Variants in POMP observed in about 807,000 individuals in gnomAD.
The protein encoded by POMP is proteasome maturation protein.
Under a neutral mutation model 20.6 loss-of-function variants are expected in POMP, and 12 were observed. The ratio of observed to expected loss-of-function variants is 0.58; its 90% CI spans 0.37 to 0.94. The LOEUF is 0.94. Ranked by LOEUF, POMP falls within the 40% of genes least tolerant of loss-of-function variation. The pLI, the probability that POMP is intolerant of heterozygous loss-of-function variation, is 0.01. For missense variants in POMP, 136 were observed against 161.1 expected (o/e 0.84, Z 0.84); for synonymous variants, 53 against 55.0 (o/e 0.96, Z 0.16).
At chr13:28,671,430 T>G (rs1014756720) in intron 4 of POMP, among the ~76,000 whole-genome samples, 1 of 150,346 alleles carries the variant, frequency 6.7e-6, no homozygotes, top group African/African-American at 2.5e-5. Context: ...TCCAAATATC[T>G]TTGCCCAGAA....
At chr13:28,663,331 A>T (rs556236702) in intron 2 of POMP, among the ~76,000 whole-genome samples, 1 of 152,134 alleles carries the variant, frequency 6.6e-6, no homozygotes, top group Admixed American at 6.5e-5. Flanking sequence ...ATTTTTTGAG[A>T]TGGCATTTTC....
intron 1 of POMP, among the ~76,000 whole-genome samples, chr13:28,660,916 C>G (rs192977748): frequency 3.3e-5 from 5 of 152,242 alleles, no homozygotes; most frequent in Non-Finnish European, 5.9e-5. Flanking sequence ...CAGCAAGACC[C>G]AGTAGAATGC....
chr13:28,667,336 C>T (rs1884466931), intron 3 of POMP, among the ~76,000 whole-genome samples: 2 of 152,086 alleles, frequency 1.3e-5, no homozygotes, highest in Admixed American at 1.3e-4. Flanking sequence ...GGCTGTAGTG[C>T]TCTATAATCG....
At chr13:28,668,645 T>C in intron 4 of POMP, 71 bp downstream of exon 4, 1 of 1,174,150 alleles carries the variant, frequency 8.5e-7, no homozygotes, top group Non-Finnish European at 1.3e-6. Flanking sequence ...TCATAACAGC[T>C]ATTTATACCT....
intron 1 of POMP, among the ~76,000 whole-genome samples, chr13:28,661,182 G>A (rs1884333349): frequency 6.6e-6 from 1 of 152,156 alleles, no homozygotes; most frequent in Non-Finnish European, 1.5e-5. Context: ...AGCGTCTTGG[G>A]CCGTGCATGC....
intron 5 of POMP, among the ~76,000 whole-genome samples, chr13:28,674,290 A>G (rs895363500): frequency 1.3e-5 from 2 of 152,168 alleles, no homozygotes; most frequent in African/African-American, 4.8e-5. Flanking sequence ...CCCACTTCCT[A>G]TGGGGCAGCT....
At chr13:28,670,789 G>A (rs1015980803) in intron 4 of POMP, among the ~76,000 whole-genome samples, 1 of 152,034 alleles carries the variant, frequency 6.6e-6, no homozygotes, top group Non-Finnish European at 1.5e-5. Context: ...GCTCATGCCT[G>A]TAATCCCAGC....
In POMP at chr13:28,662,516, G is replaced by A. The variant is rs116855705; in HGVS notation, c.101+9G>A. The A allele has an allele frequency of 2.8e-3, 4,513 of 1,590,590 alleles. 14 individuals carry two copies. Among genetic ancestry groups the A allele is most frequent in the Middle Eastern group, 4.7e-3 (28 of 6,016 alleles). On this transcript the variant is annotated intron_variant, in intron 2 of 5. Transcript: ENST00000380842. ...GATCTTCTTCGGAAAGGGTATATGG[G>A]GGAGTTATGACTTTGATTTTGTTAT... is the stretch of plus-strand genomic sequence containing the variant.
At chr13:28,659,277 G>A in intron 1 of POMP, 90 bp downstream of exon 1, 1 of 1,539,260 alleles carries the variant, frequency 6.5e-7, no homozygotes, top group East Asian at 2.4e-5. Flanking sequence ...CCCGTCCCCG[G>A]TGGCGGCGGC....
At chr13:28,663,425 C>G (rs1884384097) in intron 2 of POMP, among the ~76,000 whole-genome samples, 1 of 152,170 alleles carries the variant, frequency 6.6e-6, no homozygotes. Flanking sequence ...ATTCTCCTGC[C>G]TCAGCCTCTT....
In POMP at chr13:28,678,450, CTA is replaced by C. The variant is rs1884668918; in HGVS notation, c.*351_*352del. ...GATTAAGCATTATAAGCATTTGAGTCTATAAACTTTATAGTAGCATCTTTCAG... is the reference window on the plus strand; with the variant it reads ...GATTAAGCATTATAAGCATTTGAGTCTAAACTTTATAGTAGCATCTTTCAG... On this transcript the variant is annotated 3_prime_UTR_variant, in exon 6 of 6. Transcript: ENST00000380842. 3.9e-6 allele frequency: 1 copy of C among 256,002 alleles called. No homozygotes were observed. The highest frequency in any genetic ancestry group is 2.3e-5 in the African/African-American group (1 of 43,864). 15.9% of individuals were successfully genotyped at this position (256,002 alleles called of 1,614,324 possible).
intron 5 of POMP, 29 bp from the exon 6 acceptor site, chr13:28,678,006 T>G (rs763485177): frequency 4.2e-5 from 68 of 1,605,564 alleles, no homozygotes; most frequent in Non-Finnish European, 5.7e-5. Flanking sequence ...TGAGAGTCTT[T>G]TAAAATGTTT....
Position 28,678,833 on chromosome 13 carries a change from A to C in POMP, c.*731A>C, listed in dbSNP as rs1884675743. On this transcript the variant is annotated 3_prime_UTR_variant, in exon 6 of 6. Transcript: ENST00000380842. ...AGATACTGTAAGGTATTCTTTATGA[A>C]GTTGATATATAAAAATTTACATTTT... is the stretch of plus-strand genomic sequence containing the variant. 1 of 152,224 alleles carries C rather than the reference A, an allele frequency of 6.6e-6. No homozygotes were observed. Among genetic ancestry groups the C allele is most frequent in the Non-Finnish European group, 1.5e-5 (1 of 68,046 alleles). The allele number at this position is 152,224 out of a possible 1,614,324, so 9.4% of individuals were successfully genotyped here.
At chr13:28,665,595 A>C (rs751908569) in intron 3 of POMP, among the ~76,000 whole-genome samples, 2 of 152,228 alleles carry the variant, frequency 1.3e-5, no homozygotes, top group East Asian at 3.8e-4. Flanking sequence ...CCACTTTTGT[A>C]TAAAGGATCT....
At chr13:28,661,393 G>A (rs1260878387) in intron 1 of POMP, among the ~76,000 whole-genome samples, 1 of 152,208 alleles carries the variant, frequency 6.6e-6, no homozygotes, top group Non-Finnish European at 1.5e-5. Context: ...TTGAACCTGG[G>A]AAGTCTAGGC....
intron 5 of POMP, among the ~76,000 whole-genome samples, chr13:28,677,606 GAAGAC>G (rs1433778516): frequency 6.6e-6 from 1 of 152,136 alleles, no homozygotes; most frequent in Non-Finnish European, 1.5e-5. Context: ...CAACAGGTCA[GAAGAC>G]AATACAGATA....
intron 4 of POMP, among the ~76,000 whole-genome samples, chr13:28,670,800 A>T (rs1338268615): frequency 6.6e-6 from 1 of 152,184 alleles, no homozygotes; most frequent in Non-Finnish European, 1.5e-5. Flanking sequence ...TAATCCCAGC[A>T]CTTTGGGAGG....
chr13:28,672,446 A>G lies in POMP; in HGVS notation c.358+14A>G, dbSNP rs756299262. 21 of 1,554,264 alleles carry G rather than the reference A, an allele frequency of 1.4e-5. No individual in the cohort carries two copies. On this transcript the variant is annotated intron_variant, in intron 5 of 5. Coordinates refer to ENST00000380842, the MANE Select transcript of POMP (RefSeq NM_015932.6). Reference sequence around the variant, plus strand: ...ATATTCTTAATGGTAAGTGTCATTCAGCACCTTTTTATGGAGCCCTTGTAA... The same window carrying G: ...ATATTCTTAATGGTAAGTGTCATTCGGCACCTTTTTATGGAGCCCTTGTAA...
At chr13:28,666,219 C>T (rs1255864864) in intron 3 of POMP, among the ~76,000 whole-genome samples, 1 of 152,098 alleles carries the variant, frequency 6.6e-6, no homozygotes, top group Non-Finnish European at 1.5e-5. Flanking sequence ...GGTAAAGTGA[C>T]TTGCTCTGTA....
Sources: allele counts gnomAD v4.1 joint callset (sites outside exome capture counted in the v4.1 genomes callset), GRCh38; gene constraint gnomAD v4.1.1; transcripts MANE v1.5; gene names NCBI Gene and HGNC (gene_info 2026-07-23, HGNC 2026-07-21).